CFAP77: variants seen among roughly 807,000 people sequenced by gnomAD.
CFAP77 encodes cilia- and flagella-associated protein 77.
In CFAP77, 25 loss-of-function variants were observed where a neutral mutation model predicts 31.1. The observed-to-expected ratio is 0.80, with a 90% CI of 0.59 to 1.12. CFAP77 has a LOEUF of 1.12. Ranked by LOEUF, CFAP77 falls within the 50% of genes most tolerant of loss-of-function variation. CFAP77 has a pLI of 0.00. For missense variants in CFAP77, 377 were observed against 397.3 expected (o/e 0.95, Z 0.44); for synonymous variants, 151 against 159.9 (o/e 0.94, Z 0.42).
In CFAP77 at chr9:132,539,984, T is replaced by A. The variant is rs941538375; in HGVS notation, c.630+2278T>A. On this transcript the variant is annotated intron_variant, in intron 4 of 5. Transcript: ENST00000393216. This position sits in a 1 kb window ranked among gnomAD's most constrained non-coding sequence, Gnocchi z 4.3. Reference sequence around the variant, plus strand: ...TTTGCTCTTGTTGCCCAGGCTGGAGTGCAATGGGGCAATCTCAACTCACTG... The same window carrying A: ...TTTGCTCTTGTTGCCCAGGCTGGAGAGCAATGGGGCAATCTCAACTCACTG... Among the ~76,000 whole-genome samples the A allele has an allele frequency of 1.3e-5, 2 of 152,058 alleles. No homozygotes were observed. The highest frequency in any genetic ancestry group is 4.8e-5 in the African/African-American group (2 of 41,386).
chr9:132,410,359 C>T lies in CFAP77; in HGVS notation c.88C>T (p.Pro30Ser). 1 of 1,598,468 alleles carries T rather than the reference C, an allele frequency of 6.3e-7. No individual in the cohort carries two copies. The highest frequency in any genetic ancestry group is 1.4e-5 in the African/African-American group (1 of 73,024). Reference protein sequence around the residue: ...PVRRTVSQVCPPPRRPLTVAD... With the variant: ...PVRRTVSQVCSPPRRPLTVAD... ...GCGCCGCACGGTCAGCCAGGTCTGC[C>T]CGCCCCCGCGGCGGCCCCTGACCGT... The change falls in exon 1 of 6, where the codon CCG (proline) becomes TCG (serine). Residue 30 changes from proline (P) to serine (S), a missense_variant. By Grantham distance (74) the Pro-to-Ser change is moderately conservative. Transcript: ENST00000393216.
chr9:132,503,405 GA>G (rs953960938), intron 3 of CFAP77, among the ~76,000 whole-genome samples: 6 of 152,338 alleles, frequency 3.9e-5, no homozygotes, highest in African/African-American at 1.2e-4. Flanking sequence ...GGTGGCAGGA[GA>G]GGGGCCCTGG....
chr9:132,486,032 A>G (rs1294566422), intron 1 of CFAP77, among the ~76,000 whole-genome samples: 267 of 25,462 alleles, frequency 0.01, 43 homozygotes, highest in African/African-American at 0.07. Context: ...ATATATATAT[A>G]TATATATATG....
chr9:132,438,541 A>ATATATATATATTTTTTTT, intron 1 of CFAP77, among the ~76,000 whole-genome samples: 1 of 108,154 alleles, frequency 9.2e-6, no homozygotes, highest in African/African-American at 4.1e-5. Flanking sequence ...ATATATATAT[A>ATATATATATATTTTTTTT]TTTTTTTTTT....
chr9:132,446,823 C>T (rs1850729330), intron 1 of CFAP77, among the ~76,000 whole-genome samples: 1 of 151,096 alleles, frequency 6.6e-6, no homozygotes, highest in Non-Finnish European at 1.5e-5. Flanking sequence ...ATGCCAAATG[C>T]TTTCAACATC....
Position 132,493,999 on chromosome 9 carries a change from C to T in CFAP77, c.196-4696C>T, listed in dbSNP as rs541487971. On this transcript the variant is annotated intron_variant, in intron 1 of 5. Transcript: ENST00000393216. ...CAATCATGGCTCACTGCAGCCTCCACCTCCCGGGTTCAAGTGGTTCTCCCA... is the reference window on the plus strand; with the variant it reads ...CAATCATGGCTCACTGCAGCCTCCATCTCCCGGGTTCAAGTGGTTCTCCCA... Among the ~76,000 whole-genome samples, 27 of 152,192 alleles carry T rather than the reference C, an allele frequency of 1.8e-4. 1 individual carries two copies. The highest frequency in any genetic ancestry group is 6.3e-4 in the African/African-American group (26 of 41,512).
intron 5 of CFAP77, among the ~76,000 whole-genome samples, chr9:132,558,780 A>G (rs560382955): frequency 1.3e-5 from 2 of 152,210 alleles, no homozygotes; most frequent in South Asian, 4.1e-4. Context: ...TGGGAGGCTA[A>G]GATGGGCAGA....
In CFAP77 at chr9:132,554,853, C is replaced by T. The variant is rs922351676; in HGVS notation, c.732+11806C>T. On this transcript the variant is annotated intron_variant, in intron 5 of 5. Transcript: ENST00000393216. This position sits in a 1 kb window ranked among gnomAD's most constrained non-coding sequence, Gnocchi z 4.1. The stretch of plus-strand genomic sequence containing the variant: ...CTCCTGACCCACTCATCTGTCCATC[C>T]GTCCATCCATCTGTCCATTCATTCA... Among the ~76,000 whole-genome samples the T allele has an allele frequency of 3.3e-5, 5 of 152,128 alleles. No individual in the cohort carries two copies. Among genetic ancestry groups the T allele is most frequent in the East Asian group, 1.9e-4 (1 of 5,194 alleles).
At chr9:132,427,203 C>G (rs1850332838) in intron 1 of CFAP77, among the ~76,000 whole-genome samples, 1 of 152,222 alleles carries the variant, frequency 6.6e-6, no homozygotes, top group Non-Finnish European at 1.5e-5. Context: ...CTTCTCTCCT[C>G]TATCTGGGTG....
At chr9:132,485,932 T>C (rs1564222786) in intron 1 of CFAP77, among the ~76,000 whole-genome samples, 1 of 140,584 alleles carries the variant, frequency 7.1e-6, no homozygotes, top group Non-Finnish European at 1.5e-5. Flanking sequence ...CATACAAGTG[T>C]CATTCACTGA....
chr9:132,539,695 C>T lies in CFAP77; in HGVS notation c.630+1989C>T, dbSNP rs1447919677. Among the ~76,000 whole-genome samples, 1 of 152,160 alleles carries T rather than the reference C, an allele frequency of 6.6e-6. No homozygotes were observed. Among genetic ancestry groups the T allele is most frequent in the East Asian group, 1.9e-4 (1 of 5,178 alleles). ...GAGGATTTCCAGGCGTGGCGGGTGCCAGGGCCTCTCCTGGCTCTTCTCAGC... is the reference window on the plus strand; with the variant it reads ...GAGGATTTCCAGGCGTGGCGGGTGCTAGGGCCTCTCCTGGCTCTTCTCAGC... On this transcript the variant is annotated intron_variant, in intron 4 of 5. Coordinates refer to ENST00000393216, the MANE Select transcript of CFAP77 (RefSeq NM_001282957.2). The surrounding 1 kb of genome is among the most constrained non-coding windows in gnomAD (Gnocchi z 4.3).
intron 1 of CFAP77, among the ~76,000 whole-genome samples, chr9:132,486,679 A>G (rs1371468108): frequency 6.6e-6 from 1 of 152,238 alleles, no homozygotes; most frequent in African/African-American, 2.4e-5. Context: ...ACCGGCCCCC[A>G]GAGGCCGGGG....
intron 1 of CFAP77, among the ~76,000 whole-genome samples, chr9:132,438,541 A>ATATATATATATATATTT: frequency 6.5e-5 from 7 of 108,152 alleles, no homozygotes; most frequent in African/African-American, 1.2e-4. Context: ...ATATATATAT[A>ATATATATATATATATTT]TTTTTTTTTT....
At chr9:132,566,027 G>T (rs1316586556) in intron 5 of CFAP77, among the ~76,000 whole-genome samples, 10 of 152,210 alleles carry the variant, frequency 6.6e-5, no homozygotes, top group Admixed American at 6.5e-4. Context: ...ACCGCAGATG[G>T]CTTAATTTAG....
At chr9:132,414,647 T>C (rs1850066478) in intron 1 of CFAP77, among the ~76,000 whole-genome samples, 1 of 152,168 alleles carries the variant, frequency 6.6e-6, no homozygotes, top group South Asian at 2.1e-4. Flanking sequence ...AAGGGAGTTC[T>C]GGGCAGGTCT....
At chr9:132,514,250 G>A (rs1362018530) in intron 3 of CFAP77, among the ~76,000 whole-genome samples, 3 of 147,660 alleles carry the variant, frequency 2.0e-5, no homozygotes, top group Non-Finnish European at 4.5e-5. Context: ...CATGGTGACA[G>A]GAGACGCCCC....
intron 1 of CFAP77, among the ~76,000 whole-genome samples, chr9:132,488,133 C>T (rs145723785): frequency 4.6e-5 from 7 of 152,232 alleles, no homozygotes; most frequent in East Asian, 1.9e-4. Context: ...TTAGTTTAGA[C>T]GCAGGGCTGG....
intron 3 of CFAP77, among the ~76,000 whole-genome samples, chr9:132,528,318 A>G (rs1177254826): frequency 1.5e-5 from 2 of 129,174 alleles, no homozygotes; most frequent in African/African-American, 5.5e-5. Context: ...GAAAGCTGAA[A>G]CTGGATCCCT....
intron 1 of CFAP77, among the ~76,000 whole-genome samples, chr9:132,436,267 G>A (rs546999220): frequency 4.7e-4 from 72 of 152,170 alleles, no homozygotes; most frequent in South Asian, 1.7e-3. Context: ...ACTTGTGGCC[G>A]CATCACTCTG....
Sources: gnomAD v4.1 joint callset for allele counts (sites outside exome capture counted in the v4.1 genomes callset) on GRCh38, gnomAD v4.1.1 for gene constraint, Gnocchi (gnomAD v3.1) non-coding constraint, MANE v1.5 for transcripts, NCBI Gene and HGNC (gene_info 2026-07-23, HGNC 2026-07-21) for gene names.